The following CADM1 variants were observed in gnomAD, a reference collection of about 807,000 sequenced individuals.
CADM1 encodes the protein TSLC-1.
A neutral mutation model predicts 53.1 loss-of-function variants in CADM1; 15 were observed. That is an observed-to-expected ratio of 0.28 (90% CI 0.19 to 0.44). The LOEUF is 0.44. CADM1 is among the 20% of genes least tolerant of loss of function. The pLI is 1.00. For synonymous variants in CADM1, 281 were observed against 243.0 expected, an observed-to-expected ratio of 1.16 and a Z score of -1.45; for missense variants, 434 against 611.3, an observed-to-expected ratio of 0.71 and a Z score of 3.06.
At chr11:115,295,550 A>ATATATATATATATATATATTAT (rs371584699) in intron 1 of CADM1, among the ~76,000 whole-genome samples, 4 of 52,998 alleles carry the variant, frequency 7.5e-5, no homozygotes, top group African/African-American at 5.3e-4. Flanking sequence ...ATATATATAT[A>ATATATATATATATATATATTAT]ATATATATGT....
chr11:115,387,109 A>C (rs1047114744), intron 1 of CADM1, among the ~76,000 whole-genome samples: 1 of 152,162 alleles, frequency 6.6e-6, no homozygotes, highest in African/African-American at 2.4e-5. Context: ...CTTATTTTCT[A>C]CTATACAAAA....
At chr11:115,497,353 C>T (rs1372681347) in intron 1 of CADM1, among the ~76,000 whole-genome samples, 3 of 152,178 alleles carry the variant, frequency 2.0e-5, no homozygotes, top group Non-Finnish European at 4.4e-5. Flanking sequence ...TTAAGATAAT[C>T]ACCTCATTCA....
Position 115,173,709 on chromosome 11 carries a change from G to C in CADM1, c.*2765C>G. ...TTTTTCTTTTTTTTTTTGTAAAAATGGTATACATGAACCAATACAAAATGC... is the reference window on the plus strand; with the variant it reads ...TTTTTCTTTTTTTTTTTGTAAAAATCGTATACATGAACCAATACAAAATGC... On this transcript the variant is annotated 3_prime_UTR_variant, in exon 12 of 12. Transcript: ENST00000331581. 1.7e-6 allele frequency: 1 copy of C among 576,952 alleles called. No homozygotes were observed. The highest frequency in any genetic ancestry group is 2.2e-6 in the Non-Finnish European group (1 of 463,456). The allele number at this position is 576,952 out of a possible 1,614,324, so 35.7% of individuals were successfully genotyped here.
At chr11:115,501,339 C>T (rs971896930) in intron 1 of CADM1, among the ~76,000 whole-genome samples, 6 of 152,176 alleles carry the variant, frequency 3.9e-5, no homozygotes, top group Middle Eastern at 3.2e-3. Context: ...TCTCTATCCC[C>T]GGTTTGCAAG....
Position 115,174,578 on chromosome 11 carries a change from A to G in CADM1, c.*1896T>C. On this transcript the variant is annotated 3_prime_UTR_variant, in exon 12 of 12. Coordinates refer to ENST00000331581, the MANE Select transcript of CADM1 (RefSeq NM_001301043.2). ...GCCCCCATATTGCAATGGTTCTATC[A>G]AAGGTTAAAATAAAGACAAGAAAAA... 6.1e-6 allele frequency: 6 copies of G among 985,078 alleles called. No homozygotes were observed. The highest frequency in any genetic ancestry group is 7.2e-6 in the Non-Finnish European group (6 of 829,276). 61.0% of individuals were successfully genotyped at this position (985,078 alleles called of 1,614,324 possible).
chr11:115,497,896 T>A (rs1213801775), intron 1 of CADM1, among the ~76,000 whole-genome samples: 2 of 151,624 alleles, frequency 1.3e-5, no homozygotes, highest in African/African-American at 4.9e-5. Context: ...ATTCCCTGTT[T>A]GTCTGGAAAC....
intron 1 of CADM1, among the ~76,000 whole-genome samples, chr11:115,409,562 T>C (rs753801425): frequency 3.3e-5 from 5 of 151,920 alleles, no homozygotes; most frequent in African/African-American, 4.8e-5. Flanking sequence ...ATAGGAATTA[T>C]GGGTTTTTAA....
At chr11:115,487,052 G>A (rs1949389348) in intron 1 of CADM1, among the ~76,000 whole-genome samples, 1 of 152,190 alleles carries the variant, frequency 6.6e-6, no homozygotes, top group Non-Finnish European at 1.5e-5. Context: ...ACTGCCTACG[G>A]CTTTGGTCTT....
At chr11:115,300,515 A>G (rs757490875) in intron 1 of CADM1, among the ~76,000 whole-genome samples, 1 of 152,168 alleles carries the variant, frequency 6.6e-6, no homozygotes, top group African/African-American at 2.4e-5. Flanking sequence ...ACCAATATAC[A>G]GTGAATCTTA....
At position 115,383,069 on chromosome 11, in the gene CADM1, T is replaced by C. The variant is rs145392086; in HGVS notation, c.124+121202A>G. Among the ~76,000 whole-genome samples the C allele has an allele frequency of 1.0e-3, 155 of 152,352 alleles. 1 individual carries two copies. The East Asian group carries it at 0.028, about 27-fold the overall frequency. On this transcript the variant is annotated intron_variant, in intron 1 of 11. Coordinates refer to ENST00000331581, the MANE Select transcript of CADM1 (RefSeq NM_001301043.2). ...AGTCTTATTATCATCTCCTAACTCA[T>C]ACAATGTATTAACTTTTGCTTCTTT...
intron 1 of CADM1, among the ~76,000 whole-genome samples, chr11:115,423,788 C>T (rs953555546): frequency 5.3e-5 from 8 of 152,130 alleles, no homozygotes; most frequent in Non-Finnish European, 8.8e-5. Context: ...TTTCTCCAAG[C>T]GTGAAAAGAA....
chr11:115,260,482 G>C (rs1215480958), intron 1 of CADM1, among the ~76,000 whole-genome samples: 3 of 152,198 alleles, frequency 2.0e-5, no homozygotes, highest in Non-Finnish European at 4.4e-5. Context: ...CTTTGTGCCT[G>C]GTGGCCTGAA....
At chr11:115,313,111 T>C (rs1944573858) in intron 1 of CADM1, among the ~76,000 whole-genome samples, 1 of 152,200 alleles carries the variant, frequency 6.6e-6, no homozygotes, top group African/African-American at 2.4e-5. Context: ...AAGGGAAACC[T>C]AATTTTACAT....
At chr11:115,252,984 C>T (rs1239768989) in intron 1 of CADM1, among the ~76,000 whole-genome samples, 3 of 152,076 alleles carry the variant, frequency 2.0e-5, no homozygotes, top group Non-Finnish European at 2.9e-5. Flanking sequence ...TCCTCTAAGC[C>T]GGGGGTGTCC....
At position 115,195,806 on chromosome 11, in the gene CADM1, G is replaced by A. The variant is rs550497832; in HGVS notation, c.1111+2600C>T. On this transcript the variant is annotated intron_variant, in intron 9 of 11. Transcript: ENST00000331581. ...CAAGCAAAATTTTAGATATTATCTGGCTTTCATTACAGCTTCTTTGCTGTG... is the reference window on the plus strand; with the variant it reads ...CAAGCAAAATTTTAGATATTATCTGACTTTCATTACAGCTTCTTTGCTGTG... 2.2e-3 allele frequency among the ~76,000 whole-genome samples: 341 copies of A among 152,248 alleles called. 1 individual carries two copies. Among genetic ancestry groups the A allele is most frequent in the African/African-American group, 7.8e-3 (325 of 41,538 alleles).
rs1341896849 is a variant in CADM1, at chr11:115,295,534, AT to A, written c.125-55115del. On this transcript the variant is annotated intron_variant, in intron 1 of 11. Coordinates refer to ENST00000331581, the MANE Select transcript of CADM1 (RefSeq NM_001301043.2). The stretch of plus-strand genomic sequence containing the variant: ...TATATATATATATATATATATATAT[AT>A]ATATATATATATATAATATATATGT... Among the ~76,000 whole-genome samples, 76 of 85,688 alleles carry A rather than the reference AT, an allele frequency of 8.9e-4. 3 individuals carry two copies. Among genetic ancestry groups the A allele is most frequent in the East Asian group, 6.4e-3 (11 of 1,728 alleles). 56.2% of individuals were successfully genotyped at this position (85,688 alleles called of 152,430 possible). A position where few individuals can be genotyped will look rare whatever the true frequency, so the allele number is the denominator to read the frequency against.
At chr11:115,364,836 A>G (rs923118973) in intron 1 of CADM1, among the ~76,000 whole-genome samples, 1 of 152,218 alleles carries the variant, frequency 6.6e-6, no homozygotes, top group Non-Finnish European at 1.5e-5. Context: ...TAAAACGAAC[A>G]ATTCAGAACT....
intron 1 of CADM1, among the ~76,000 whole-genome samples, chr11:115,338,892 A>ATTT (rs10577568): frequency 1.4e-4 from 19 of 132,690 alleles, no homozygotes; most frequent in East Asian, 4.5e-4. Context: ...TTTTTTTTTA[A>ATTT]TTTTTTTTTT....
intron 1 of CADM1, among the ~76,000 whole-genome samples, chr11:115,431,968 C>T (rs1948065217): frequency 6.6e-6 from 1 of 151,474 alleles, no homozygotes; most frequent in African/African-American, 2.4e-5. Context: ...TATTTTGAGA[C>T]AGATTCATGC....
Sources: gnomAD v4.1 joint callset for allele counts (sites outside exome capture counted in the v4.1 genomes callset) on GRCh38, gnomAD v4.1.1 for gene constraint, MANE v1.5 for transcripts, NCBI Gene and HGNC (gene_info 2026-07-23, HGNC 2026-07-21) for gene names.